ST6GALNAC3: variants seen among roughly 807,000 people sequenced by gnomAD.
ST6GALNAC3 encodes alpha-N-acetylgalactosaminide alpha-2,6-sialyltransferase 3.
Under a neutral mutation model 32.7 loss-of-function variants are expected in ST6GALNAC3, and 25 were observed. That is an observed-to-expected ratio of 0.76 (90% confidence interval 0.56 to 1.07). The LOEUF is 1.07. ST6GALNAC3 is among the 50% of genes least tolerant of loss of function. The pLI, the probability that ST6GALNAC3 is intolerant of heterozygous loss-of-function variation, is 0.00. For synonymous variants in ST6GALNAC3, 129 were observed against 133.1 expected, an observed-to-expected ratio of 0.97 and a Z score of 0.21; for missense variants, 355 against 382.4, an observed-to-expected ratio of 0.93 and a Z score of 0.60.
rs1366659853 is a variant in ST6GALNAC3 at position 76,407,310 on chromosome 1, A to G, written c.214-4698A>G. ...GCCTTGCACAGAATAGGTACTAAAT[A>G]AAAATTATGTGGTTATTCAATAGAT... On this transcript the variant is annotated intron_variant, in intron 2 of 4. Transcript: ENST00000328299. Among the ~76,000 whole-genome samples the G allele has an allele frequency of 4.6e-5, 7 of 152,258 alleles. No homozygotes were observed. The East Asian group carries it at 1.3e-3, about 29-fold the overall frequency.
chr1:76,124,526 A>G (rs1649116333), intron 1 of ST6GALNAC3, among the ~76,000 whole-genome samples: 1 of 152,056 alleles, frequency 6.6e-6, no homozygotes, highest in African/African-American at 2.4e-5. Context: ...AAAAAGCTGT[A>G]TTGACTTATT....
chr1:76,098,934 C>T (rs1448214856), intron 1 of ST6GALNAC3, among the ~76,000 whole-genome samples: 1 of 152,076 alleles, frequency 6.6e-6, no homozygotes, highest in South Asian at 2.1e-4. Flanking sequence ...AAATCTATTT[C>T]GATTTTATTT....
intron 1 of ST6GALNAC3, among the ~76,000 whole-genome samples, chr1:76,194,123 G>A (rs1260648545): frequency 6.6e-6 from 1 of 152,086 alleles, no homozygotes; most frequent in Non-Finnish European, 1.5e-5. Context: ...CTTAGACCAG[G>A]GAGCTTTCTC....
chr1:76,616,273 T>G (rs2100686862), intron 3 of ST6GALNAC3, among the ~76,000 whole-genome samples: 1 of 152,310 alleles, frequency 6.6e-6, no homozygotes, highest in African/African-American at 2.4e-5. Flanking sequence ...GGAAGAATTT[T>G]CTCCTTTCAA....
chr1:76,326,825 GGT>G (rs1491324646), intron 2 of ST6GALNAC3, among the ~76,000 whole-genome samples: 3 of 78,708 alleles, frequency 3.8e-5, no homozygotes, highest in African/African-American at 1.2e-4. Flanking sequence ...GGAAGTTTTG[GGT>G]TTTTTTTTTT....
chr1:76,129,359 T>C (rs981118559), intron 1 of ST6GALNAC3, among the ~76,000 whole-genome samples: 1 of 152,120 alleles, frequency 6.6e-6, no homozygotes, highest in African/African-American at 2.4e-5. Context: ...GGTACACAGA[T>C]TGGGATGCCT....
chr1:76,415,498 A>G (rs1654556757), intron 3 of ST6GALNAC3, among the ~76,000 whole-genome samples: 1 of 151,932 alleles, frequency 6.6e-6, no homozygotes, highest in Admixed American at 6.6e-5. Flanking sequence ...ATATTTACAT[A>G]TTGACTTACA....
At chr1:76,600,652 A>G (rs1261445938) in intron 3 of ST6GALNAC3, among the ~76,000 whole-genome samples, 1 of 152,168 alleles carries the variant, frequency 6.6e-6, no homozygotes, top group Admixed American at 6.5e-5. Flanking sequence ...GCATTGTGCT[A>G]TGTCTTGAAG....
chr1:76,148,327 C>T (rs1447418459), intron 1 of ST6GALNAC3, among the ~76,000 whole-genome samples: 1 of 152,192 alleles, frequency 6.6e-6, no homozygotes, highest in African/African-American at 2.4e-5. Flanking sequence ...TTCAACTGCT[C>T]ATCCCAGTAG....
At chr1:76,596,394 A>G (rs895709730) in intron 3 of ST6GALNAC3, among the ~76,000 whole-genome samples, 2 of 152,204 alleles carry the variant, frequency 1.3e-5, no homozygotes, top group Non-Finnish European at 2.9e-5. Flanking sequence ...ATTCTGGCAC[A>G]TAGTAGTTGC....
At chr1:76,311,264 C>A (rs190484164) in intron 1 of ST6GALNAC3, among the ~76,000 whole-genome samples, 4 of 137,690 alleles carry the variant, frequency 2.9e-5, no homozygotes, top group Non-Finnish European at 4.7e-5. Flanking sequence ...AACTTCCCCC[C>A]ACCCCGCCTT....
chr1:76,426,928 T>A (rs889360274), intron 3 of ST6GALNAC3, among the ~76,000 whole-genome samples: 1 of 152,052 alleles, frequency 6.6e-6, no homozygotes, highest in Admixed American at 6.6e-5. Flanking sequence ...TGTTTAACTT[T>A]CATGAGAGAT....
At chr1:76,624,945 C>A (rs548843378) in intron 3 of ST6GALNAC3, among the ~76,000 whole-genome samples, 2 of 152,034 alleles carry the variant, frequency 1.3e-5, no homozygotes, top group African/African-American at 2.4e-5. Context: ...ATGCATAGAG[C>A]ATGGTACCGC....
chr1:76,394,959 C>CA (rs1652836103), intron 2 of ST6GALNAC3, among the ~76,000 whole-genome samples: 1 of 151,568 alleles, frequency 6.6e-6, no homozygotes. Context: ...TGAAATGAAA[C>CA]AAAAAAAGGT....
intron 1 of ST6GALNAC3, among the ~76,000 whole-genome samples, chr1:76,160,803 A>G (rs1245887685): frequency 6.6e-6 from 1 of 152,228 alleles, no homozygotes; most frequent in Admixed American, 6.5e-5. Context: ...CAGCCCACAA[A>G]CAACATGTGG....
At chr1:76,220,587 G>A (rs1440861736) in intron 1 of ST6GALNAC3, among the ~76,000 whole-genome samples, 1 of 152,178 alleles carries the variant, frequency 6.6e-6, no homozygotes, top group African/African-American at 2.4e-5. Flanking sequence ...AGAGGACAGT[G>A]TTTTGAGGGC....
At chr1:76,292,925 G>A (rs1420962481) in intron 1 of ST6GALNAC3, among the ~76,000 whole-genome samples, 1 of 152,054 alleles carries the variant, frequency 6.6e-6, no homozygotes, top group Non-Finnish European at 1.5e-5. Context: ...TCTATCTTCT[G>A]CACAAAAATA....
chr1:76,148,223 C>T (rs2100316790), intron 1 of ST6GALNAC3, among the ~76,000 whole-genome samples: 1 of 152,294 alleles, frequency 6.6e-6, no homozygotes, highest in South Asian at 2.1e-4. Flanking sequence ...TTGATATCCT[C>T]AAGAGGCTAT....
At chr1:76,268,962 G>A (rs6593526) in intron 1 of ST6GALNAC3, among the ~76,000 whole-genome samples, 29,944 of 152,044 alleles carry the variant, frequency 0.2, 3,666 homozygotes, top group African/African-American at 0.34. Context: ...ACTTTATGCC[G>A]CCTTGTCTTA....
Sources: allele counts gnomAD v4.1 joint callset (sites outside exome capture counted in the v4.1 genomes callset), GRCh38; gene constraint gnomAD v4.1.1; transcripts MANE v1.5; gene names NCBI Gene and HGNC (gene_info 2026-07-23, HGNC 2026-07-21).